Variants in SDHB observed in about 807,000 individuals in gnomAD.
SDHB encodes succinate dehydrogenase complex iron sulfur subunit B.
In SDHB, 21 loss-of-function variants were observed where a neutral mutation model predicts 39.7. The observed-to-expected ratio is 0.53, with a 90% CI of 0.37 to 0.76. The LOEUF (loss-of-function observed/expected upper bound fraction) is 0.76, where lower values mean the gene tolerates loss of function less well. SDHB is among the 30% of genes least tolerant of loss of function. The pLI, the probability that SDHB is intolerant of heterozygous loss-of-function variation, is 0.00. For synonymous variants in SDHB, 118 were observed against 117.0 expected, an observed-to-expected ratio of 1.01 and a Z score of -0.06; for missense variants, 343 against 350.9, an observed-to-expected ratio of 0.98 and a Z score of 0.18.
chr1:17,034,671 C>T (rs1160546515), intron 2 of SDHB, among the ~76,000 whole-genome samples: 3 of 152,228 alleles, frequency 2.0e-5, no homozygotes, highest in Middle Eastern at 3.4e-3. Flanking sequence ...TGAGCGACTG[C>T]GTCTGGCCCA....
rs146478866 is a variant in SDHB at position 17,040,084 on chromosome 1, G to A, written c.200+4677C>T. On this transcript the variant is annotated intron_variant, in intron 2 of 7. Transcript: ENST00000375499. The stretch of plus-strand genomic sequence containing the variant: ...ATCATCTTGAAGAATCTTTTTTTCT[G>A]AACGTGGAATTCCAGGCTGACAATT... Among the ~76,000 whole-genome samples, 549 of 151,972 alleles carry A rather than the reference G, an allele frequency of 3.6e-3. 8 individuals are homozygous for A. Among genetic ancestry groups the A allele is most frequent in the African/African-American group, 0.013 (528 of 41,486 alleles).
In SDHB at chr1:17,044,999, C is replaced by T. The variant is rs9435745; in HGVS notation, c.73-111G>A. 0.49 allele frequency: 451,338 copies of T among 922,336 alleles called. 115,115 individuals are homozygous for T. The highest frequency in any genetic ancestry group is 0.54 in the Non-Finnish European group (317,293 of 592,484). The allele number at this position is 922,336 out of a possible 1,614,324, so 57.1% of individuals were successfully genotyped here. A position where few individuals can be genotyped will look rare whatever the true frequency, so the allele number is the denominator to read the frequency against. ...TGGATATAAACTCACACATTACTGA[C>T]ACATAATCTTCTTAGAAAAGGCAGG... is the stretch of plus-strand genomic sequence containing the variant. On this transcript the variant is annotated intron_variant, in intron 1 of 7. Coordinates refer to ENST00000375499, the MANE Select transcript of SDHB (RefSeq NM_003000.3).
intron 1 of SDHB, 180 bp from the exon 2 acceptor site, chr1:17,045,068 A>G (rs1020869666): frequency 6.4e-5 from 39 of 613,660 alleles, no homozygotes; most frequent in Non-Finnish European, 1.0e-4. Context: ...ATATGCTAAT[A>G]TATCAGACAT....
chr1:17,022,274 A>C (rs755608191), intron 7 of SDHB, among the ~76,000 whole-genome samples: 16 of 152,216 alleles, frequency 1.1e-4, no homozygotes, highest in Non-Finnish European at 2.4e-4. Flanking sequence ...TGAAGTCCTC[A>C]CAGCTGCCCA....
intron 7 of SDHB, among the ~76,000 whole-genome samples, chr1:17,021,750 C>CAA (rs769819005): frequency 1.4e-5 from 2 of 139,592 alleles, no homozygotes; most frequent in Non-Finnish European, 3.1e-5. Flanking sequence ...ACTCTGTCTC[C>CAA]AAAAAAAAAA....
chr1:17,022,192 C>T (rs61769185), intron 7 of SDHB, among the ~76,000 whole-genome samples: 20,766 of 152,146 alleles, frequency 0.14, 2,063 homozygotes, highest in African/African-American at 0.28. Context: ...TCCACAGAGC[C>T]GAAGGAAAGA....
intron 5 of SDHB, 131 bp downstream of exon 5, chr1:17,027,618 C>G (rs999493734): frequency 9.3e-6 from 7 of 748,754 alleles, no homozygotes; most frequent in Non-Finnish European, 1.5e-5. Context: ...AGTGCCCCAC[C>G]CTTGTGCCAG....
At chr1:17,029,107 T>TTTTG (rs2078008958) in intron 3 of SDHB, among the ~76,000 whole-genome samples, 1 of 142,480 alleles carries the variant, frequency 7.0e-6, no homozygotes, top group East Asian at 2.1e-4. Context: ...TTTTTTTTTT[T>TTTTG]TTTTTTTTTT....
At chr1:17,040,650 A>G (rs1361717971) in intron 2 of SDHB, among the ~76,000 whole-genome samples, 1 of 152,006 alleles carries the variant, frequency 6.6e-6, no homozygotes, top group African/African-American at 2.4e-5. Context: ...TTTTTAGTAG[A>G]GACAAGGTCT....
chr1:17,040,786 T>C (rs1345224138), intron 2 of SDHB, among the ~76,000 whole-genome samples: 2 of 151,946 alleles, frequency 1.3e-5, no homozygotes, highest in African/African-American at 2.4e-5. Context: ...TGCTGTTCCA[T>C]AGATCACAGG....
At chr1:17,022,399 C>G (rs962315357) in intron 7 of SDHB, among the ~76,000 whole-genome samples, 1 of 152,192 alleles carries the variant, frequency 6.6e-6, no homozygotes, top group African/African-American at 2.4e-5. Context: ...ACAAATAAAG[C>G]CTGCTCCTGA....
chr1:17,042,298 T>G (rs1460005238), intron 2 of SDHB, among the ~76,000 whole-genome samples: 2 of 152,208 alleles, frequency 1.3e-5, no homozygotes, highest in East Asian at 3.8e-4. Flanking sequence ...GCCATTTCAT[T>G]CTTCCAAGTA....
At chr1:17,032,577 G>T in intron 3 of SDHB, 1 of 204,834 alleles carries the variant, frequency 4.9e-6, no homozygotes, top group Non-Finnish European at 1.0e-5. Flanking sequence ...GGGCTCATGT[G>T]GCACCAGCAG....
chr1:17,041,487 T>C (rs2078079483), intron 2 of SDHB, among the ~76,000 whole-genome samples: 1 of 152,020 alleles, frequency 6.6e-6, no homozygotes, highest in South Asian at 2.1e-4. Flanking sequence ...CTGGCCAACA[T>C]GGCGAAACCC....
At chr1:17,051,840 A>T (rs1172557122) in intron 1 of SDHB, among the ~76,000 whole-genome samples, 1 of 150,268 alleles carries the variant, frequency 6.7e-6, no homozygotes, top group Non-Finnish European at 1.5e-5. Flanking sequence ...CACATTTTTT[A>T]AATTTTTTTT....
chr1:17,053,839 C>A, intron 1 of SDHB, 109 bp downstream of exon 1: 1 of 800,498 alleles, frequency 1.2e-6, no homozygotes, highest in Non-Finnish European at 2.2e-6. Flanking sequence ...GGTCCTCCAT[C>A]TCCCTGAGGC....
rs751159957 is a variant in SDHB at position 17,024,075 on chromosome 1, C to CTGTATGGGGAGAAAAGAGAGGCAGGAGCT, written c.541-30_541-2dup. 3.7e-6 allele frequency: 6 copies of CTGTATGGGGAGAAAAGAGAGGCAGGAGCT among 1,609,050 alleles called. No individual in the cohort carries two copies. Among genetic ancestry groups the CTGTATGGGGAGAAAAGAGAGGCAGGAGCT allele is most frequent in the Non-Finnish European group, 5.1e-6 (6 of 1,176,556 alleles). ...AGAGAATGCACTCGTAGAGCCCGTC[C>CTGTATGGGGAGAAAAGAGAGGCAGGAGCT]TGTATGGGGAGAAAAGAGAGGCAGG... On this transcript the variant is annotated splice_acceptor_variant, in intron 5 of 7. Transcript: ENST00000375499. LOFTEE classifies it high-confidence loss of function.
chr1:17,032,785 G>A, intron 3 of SDHB: 1 of 497,850 alleles, frequency 2.0e-6, no homozygotes, highest in South Asian at 2.1e-5. Flanking sequence ...GCAGGTCCTA[G>A]CTAGGCCTTG....
chr1:17,037,518 G>A (rs1405568981), intron 2 of SDHB, among the ~76,000 whole-genome samples: 2 of 151,604 alleles, frequency 1.3e-5, no homozygotes, highest in African/African-American at 4.9e-5. Flanking sequence ...GTGCAGTGGC[G>A]TGATCTTGGC....
Sources: gnomAD v4.1 joint callset for allele counts (sites outside exome capture counted in the v4.1 genomes callset) on GRCh38, gnomAD v4.1.1 for gene constraint, MANE v1.5 for transcripts, NCBI Gene and HGNC (gene_info 2026-07-23, HGNC 2026-07-21) for gene names.